The following GJA9 variants were observed in gnomAD, a reference collection of about 807,000 sequenced individuals.
The protein encoded by GJA9 is gap junction alpha-9 protein.
A neutral mutation model predicts 0.4 loss-of-function variants in GJA9; 1 was observed. That is an observed-to-expected ratio of 2.50 (90% CI 0.89 to 11.88). The LOEUF is 11.88. Ranked by LOEUF, GJA9 falls within the 30% of genes most tolerant of loss-of-function variation. The probability of loss-of-function intolerance (pLI) is 0.12; values close to 1 mark genes in which losing one functional copy is unlikely to be tolerated. For missense variants in GJA9, 550 were observed against 602.8 expected, an observed-to-expected ratio of 0.91 and a Z score of 0.92; for synonymous variants, 190 against 219.1, an observed-to-expected ratio of 0.87 and a Z score of 1.17.
intron 1 of GJA9, among the ~76,000 whole-genome samples, chr1:38,878,437 T>A (rs944100526): frequency 6.6e-6 from 1 of 151,098 alleles, no homozygotes. Flanking sequence ...TCCCAGCACT[T>A]TGGGAGGCCG....
At chr1:38,879,617 CTT>C (rs1642654397) in intron 1 of GJA9, among the ~76,000 whole-genome samples, 1 of 152,202 alleles carries the variant, frequency 6.6e-6, no homozygotes, top group Non-Finnish European at 1.5e-5. Flanking sequence ...TCTGTTTTCT[CTT>C]AAGTTTAATC....
intron 1 of GJA9, among the ~76,000 whole-genome samples, chr1:38,880,089 T>C (rs1352101185): frequency 1.3e-5 from 2 of 150,684 alleles, no homozygotes; most frequent in African/African-American, 4.8e-5. Context: ...AAACTTTCCA[T>C]TGACTTTATT....
chr1:38,880,221 G>A (rs1642666366), intron 1 of GJA9, among the ~76,000 whole-genome samples: 1 of 148,258 alleles, frequency 6.7e-6, no homozygotes, highest in African/African-American at 2.5e-5. Context: ...TGGCCAACAT[G>A]GTTGAAACCC....
chr1:38,880,341 T>G (rs1642669209), intron 1 of GJA9, among the ~76,000 whole-genome samples: 1 of 142,756 alleles, frequency 7.0e-6, no homozygotes, highest in Non-Finnish European at 1.5e-5. Flanking sequence ...AGGCAGAGGT[T>G]GCAGTGAGCC....
chr1:38,875,417 G>A lies in GJA9; in HGVS notation c.682C>T (p.Leu228Phe). Reference protein sequence around the residue: ...IATISLFLNILEIFHLGFKKI... With the variant: ...IATISLFLNIFEIFHLGFKKI... ...TTAAAACCTAGGTGGAAAATTTCAA[G>A]AATGTTTAAGAAAAGTGAAATAGTG... is the stretch of plus-strand genomic sequence containing the variant. Residue 228 changes from leucine (L) to phenylalanine (F), a missense_variant, in exon 2 of 2, where the codon CTT becomes TTT. Physicochemically the swap from Leu to Phe is conservative, Grantham distance 22. Coordinates refer to ENST00000357771, the MANE Select transcript of GJA9 (RefSeq NM_030772.5). 1 of 1,613,544 alleles carries A rather than the reference G, an allele frequency of 6.2e-7. No homozygotes were observed. The highest frequency in any genetic ancestry group is 8.5e-7 in the Non-Finnish European group (1 of 1,179,836).
intron 1 of GJA9, among the ~76,000 whole-genome samples, chr1:38,878,709 A>G (rs1431219255): frequency 6.7e-6 from 1 of 149,282 alleles, no homozygotes; most frequent in East Asian, 2.0e-4. Flanking sequence ...AAAATTCTCA[A>G]CTATTTTATG....
In GJA9 at chr1:38,875,462, A is replaced by C. The variant is rs777312100; in HGVS notation, c.637T>G (p.Leu213Val). 1 of 1,614,154 alleles carries C rather than the reference A, an allele frequency of 6.2e-7. No individual in the cohort carries two copies. Among genetic ancestry groups the C allele is most frequent in the Admixed American group, 1.7e-5 (1 of 60,016 alleles). ...ATAGTGGCTATAGATTGCATAAATA[A>C]TAGGAATATTGTCTTTTCTGTTGGT... ...SRPTEKTIFL[L>V]FMQSIATISL... Residue 213 changes from leucine to valine, a missense_variant, in exon 2 of 2, where the codon TTA (leucine) becomes GTA (valine). Leu to Val is a conservative substitution (Grantham distance 32). Coordinates refer to ENST00000357771, the MANE Select transcript of GJA9 (RefSeq NM_030772.5).
chr1:38,874,919 C>A lies in GJA9; in HGVS notation c.1180G>T (p.Ala394Ser). The A allele has an allele frequency of 3.7e-6, 6 of 1,614,196 alleles. No homozygotes were observed. Among genetic ancestry groups the A allele is most frequent in the Non-Finnish European group, 5.1e-6 (6 of 1,180,028 alleles). The change falls in exon 2 of 2, where the codon GCT becomes TCT. Residue 394 changes from alanine to serine, a missense_variant. Coordinates refer to ENST00000357771, the MANE Select transcript of GJA9 (RefSeq NM_030772.5). The stretch of plus-strand genomic sequence containing the variant: ...CTCATGTTGTTCTCTCCATCTATAG[C>A]AACACCTGGAATAGAACGGTGACCT... ...SRGHRSIPGV[A>S]IDGENNMRQS... is the part of the protein sequence containing the mutation.
At chr1:38,879,837 C>T (rs1341238246) in intron 1 of GJA9, among the ~76,000 whole-genome samples, 1 of 152,086 alleles carries the variant, frequency 6.6e-6, no homozygotes. Flanking sequence ...CGCCATTCTC[C>T]TGCCTCAGCC....
intron 1 of GJA9, 87 bp downstream of exon 1, chr1:38,881,345 A>G (rs1452809777): frequency 1.2e-5 from 8 of 683,060 alleles, no homozygotes; most frequent in Non-Finnish European, 1.6e-5. Flanking sequence ...ATACATATAT[A>G]CAGTACCATA....
chr1:38,876,321 T>C, intron 1 of GJA9, 128 bp from the exon 2 acceptor site: 1 of 559,778 alleles, frequency 1.8e-6, no homozygotes, highest in Non-Finnish European at 3.2e-6. Flanking sequence ...TTGCCCAGGC[T>C]GGAGTACAGT....
At chr1:38,880,416 T>TAAC in intron 1 of GJA9, among the ~76,000 whole-genome samples, 1 of 31,280 alleles carries the variant, frequency 3.2e-5, no homozygotes, top group South Asian at 9.4e-4. Flanking sequence ...AAAAAATAAA[T>TAAC]AATAATAATA....
Position 38,875,843 on chromosome 1 carries a change from A to G in GJA9, c.256T>C (p.Ser86Pro), listed in dbSNP as rs1453770766. The G allele has an allele frequency of 6.2e-7, 1 of 1,614,106 alleles. No homozygotes were observed. The highest frequency in any genetic ancestry group is 8.5e-7 in the Non-Finnish European group (1 of 1,180,048). Residue 86 changes from serine (S) to proline (P), a missense_variant, in exon 2 of 2, where the codon TCT becomes CCT. Coordinates refer to ENST00000357771, the MANE Select transcript of GJA9 (RefSeq NM_030772.5). The part of the protein sequence containing the change: ...RYWVLQVIFV[S>P]SPSLVYMGHA... ...CCCATGTAGACCAGGGATGGTGAAG[A>G]CACAAATATCACCTGCAGAACCCAG...
At position 38,874,602 on chromosome 1, in the gene GJA9, G is replaced by A. The variant is rs1385214939; in HGVS notation, c.1497C>T (p.Ser499=). ...GCCTACCAATGAGATTGTTCGTTAGGGACACTACGTGATTTGGAGGACAAA... is the reference window on the plus strand; with the variant it reads ...GCCTACCAATGAGATTGTTCGTTAGAGACACTACGTGATTTGGAGGACAAA... ...NPVCPPNHVV[S]LTNNLIGRRV... Residue 499 remains serine (S), a synonymous_variant, in exon 2 of 2, where the codon TCC becomes TCT. Coordinates refer to ENST00000357771, the MANE Select transcript of GJA9 (RefSeq NM_030772.5). The A allele has an allele frequency of 2.5e-6, 4 of 1,614,006 alleles. No individual in the cohort carries two copies. In the African/African-American group the frequency reaches 4.0e-5, roughly 16 times the overall value.
chr1:38,876,021 G>A lies in GJA9; in HGVS notation c.78C>T (p.Leu26=), dbSNP rs142342464. 200 of 1,614,202 alleles carry A rather than the reference G, an allele frequency of 1.2e-4. No individual in the cohort carries two copies. In the Middle Eastern group the frequency reaches 1.3e-3, roughly 11 times the overall value. The change falls in exon 2 of 2, where the codon CTC becomes CTT. Residue 26 remains leucine (L), a synonymous_variant. Coordinates refer to ENST00000357771, the MANE Select transcript of GJA9 (RefSeq NM_030772.5). ...GCATTCGAAATATGAACAGGATGGTGAGCCAGATCTTTCCAATCATGGTGG... is the reference window on the plus strand; with the variant it reads ...GCATTCGAAATATGAACAGGATGGTAAGCCAGATCTTTCCAATCATGGTGG... ...IHSTMIGKIW[L]TILFIFRMLV...
Position 38,874,407 on chromosome 1 carries a change from TG to T in GJA9, c.*143del. The stretch of plus-strand genomic sequence containing the variant: ...TTGCTTCACAATCTCGAATTAGAGC[TG>T]TTTTTCTCTTGCTTAAATGAGTTTG... On this transcript the variant is annotated 3_prime_UTR_variant, in exon 2 of 2. Transcript: ENST00000357771. The T allele has an allele frequency of 1.7e-6, 1 of 593,082 alleles. No individual in the cohort carries two copies. Among genetic ancestry groups the T allele is most frequent in the Non-Finnish European group, 2.9e-6 (1 of 340,394 alleles). The allele number at this position is 593,082 out of a possible 1,614,324, so 36.7% of individuals were successfully genotyped here.
At chr1:38,878,229 C>T (rs939347114) in intron 1 of GJA9, among the ~76,000 whole-genome samples, 6 of 151,842 alleles carry the variant, frequency 4.0e-5, no homozygotes, top group African/African-American at 1.5e-4. Flanking sequence ...CAGGCAAGTG[C>T]CACCACGCTT....
chr1:38,878,839 T>C (rs921306769), intron 1 of GJA9, among the ~76,000 whole-genome samples: 1 of 149,744 alleles, frequency 6.7e-6, no homozygotes, highest in African/African-American at 2.5e-5. Context: ...GTTCAAGTGA[T>C]TCTCCTGCCC....
At chr1:38,877,141 G>A (rs1354045840) in intron 1 of GJA9, among the ~76,000 whole-genome samples, 1 of 150,928 alleles carries the variant, frequency 6.6e-6, no homozygotes, top group Non-Finnish European at 1.5e-5. Flanking sequence ...CTGGGTTCAA[G>A]CGATTCTCCT....
Sources: gnomAD v4.1 joint callset for allele counts (sites outside exome capture counted in the v4.1 genomes callset) on GRCh38, gnomAD v4.1.1 for gene constraint, MANE v1.5 for transcripts, NCBI Gene and HGNC (gene_info 2026-07-23, HGNC 2026-07-21) for gene names.